SLC6A16: variants seen among roughly 807,000 people sequenced by gnomAD.
SLC6A16 encodes solute carrier family 6 member 16.
Under a neutral mutation model 65.4 loss-of-function variants are expected in SLC6A16, and 54 were observed. The ratio of observed to expected loss-of-function variants is 0.83; its 90% confidence interval spans 0.66 to 1.04. SLC6A16 has a LOEUF of 1.04. Ranked by LOEUF, SLC6A16 falls within the 50% of genes least tolerant of loss-of-function variation. The probability of loss-of-function intolerance (pLI) is 0.00; values close to 1 mark genes in which losing one functional copy is unlikely to be tolerated. For missense variants in SLC6A16, 816 were observed against 914.0 expected (o/e 0.89, Z 1.38); for synonymous variants, 330 against 346.5 (o/e 0.95, Z 0.53).
chr19:49,313,554 C>A (rs141878605), intron 1 of SLC6A16, among the ~76,000 whole-genome samples: 2 of 143,700 alleles, frequency 1.4e-5, no homozygotes, highest in African/African-American at 2.6e-5. Context: ...CCAAGGCAGG[C>A]GGATCACTTG....
At chr19:49,336,831 G>A in the SLC6A16 span, 19 of 1,540,640 alleles carry the variant, frequency 1.2e-5, no homozygotes, top group Non-Finnish European at 1.4e-5. Context: ...TCCCCACTTG[G>A]GTGGCTGCCT....
the SLC6A16 span, chr19:49,339,813 C>T: frequency 3.0e-6 from 4 of 1,349,274 alleles, no homozygotes; most frequent in African/African-American, 1.5e-5. The surrounding 1 kb of genome is among the most constrained non-coding windows in gnomAD (Gnocchi z 4.5). Context: ...GTGGCTGGGG[C>T]ATGGCGGGTG....
chr19:49,298,877 GA>G (rs1351176257), intron 7 of SLC6A16, among the ~76,000 whole-genome samples: 1 of 152,122 alleles, frequency 6.6e-6, no homozygotes, highest in Non-Finnish European at 1.5e-5. Flanking sequence ...ATACTGCCAT[GA>G]AAAAGAACAA....
intron 10 of SLC6A16, 81 bp downstream of exon 10, chr19:49,293,142 G>A (rs1488417331): frequency 1.5e-6 from 2 of 1,354,652 alleles, no homozygotes; most frequent in Non-Finnish European, 2.1e-6. Context: ...CACTAGGTGG[G>A]TTGACAGTAG....
Position 49,293,903 on chromosome 19 carries a change from T to A in SLC6A16, c.1542A>T (p.Ile514=). ...MLLAMGLSSA[I]GIMQGIITPL... is the part of the protein sequence containing the mutation. ...GAGTAATGATGCCCTGCATAATCCC[T>A]ATTGCGCTGCTCAGCCCCATGGCCA... The change falls in exon 9 of 12, where the codon ATA becomes ATT. Residue 514 remains isoleucine, a synonymous_variant. Transcript: ENST00000335875. The A allele has an allele frequency of 6.2e-7, 1 of 1,613,976 alleles. No individual in the cohort carries two copies. Among genetic ancestry groups the A allele is most frequent in the Non-Finnish European group, 8.5e-7 (1 of 1,180,010 alleles).
intron 7 of SLC6A16, among the ~76,000 whole-genome samples, chr19:49,304,347 G>A (rs1261565483): frequency 2.0e-5 from 3 of 152,240 alleles, no homozygotes; most frequent in African/African-American, 7.2e-5. Flanking sequence ...AAATATTCCT[G>A]CAGAAACATC....
At chr19:49,338,067 C>A in the SLC6A16 span, 1 of 1,605,504 alleles carries the variant, frequency 6.2e-7, no homozygotes, top group East Asian at 2.3e-5. The surrounding 1 kb of genome is among the most constrained non-coding windows in gnomAD (Gnocchi z 5.0). Context: ...CGGACTGACC[C>A]GCCTCAGCCC....
chr19:49,335,873 C>A, the SLC6A16 span: 1 of 1,094,144 alleles, frequency 9.1e-7, no homozygotes, highest in Non-Finnish European at 1.4e-6. The surrounding 1 kb of genome is among the most constrained non-coding windows in gnomAD (Gnocchi z 4.6). Flanking sequence ...ACCTACGGTG[C>A]CCTACTCTGC....
chr19:49,338,231 G>A, the SLC6A16 span: 6 of 1,421,562 alleles, frequency 4.2e-6, no homozygotes, highest in African/African-American at 4.3e-5. This position sits in a 1 kb window ranked among gnomAD's most constrained non-coding sequence, Gnocchi z 5.0. Flanking sequence ...AGACCCTGGC[G>A]TGGCTTCGCC....
the SLC6A16 span, chr19:49,337,243 C>T: frequency 1.2e-6 from 2 of 1,605,712 alleles, no homozygotes; most frequent in Admixed American, 1.7e-5. Flanking sequence ...GCAGTGGCCA[C>T]CACCCACCCC....
intron 7 of SLC6A16, among the ~76,000 whole-genome samples, 189 bp from the exon 8 acceptor site, chr19:49,294,742 G>T (rs1286370524): frequency 6.6e-6 from 1 of 152,104 alleles, no homozygotes; most frequent in African/African-American, 2.4e-5. Flanking sequence ...TAATCCTGGA[G>T]AATTTATGAC....
At chr19:49,298,719 G>C (rs1456335411) in intron 7 of SLC6A16, among the ~76,000 whole-genome samples, 1 of 152,070 alleles carries the variant, frequency 6.6e-6, no homozygotes, top group Non-Finnish European at 1.5e-5. Flanking sequence ...ATACCCAAAG[G>C]AAAATAAATC....
intron 1 of SLC6A16, among the ~76,000 whole-genome samples, chr19:49,323,317 G>A (rs1362841400): frequency 1.3e-5 from 2 of 152,034 alleles, no homozygotes; most frequent in African/African-American, 4.8e-5. Flanking sequence ...ATGAATTCTT[G>A]GATATGATAC....
rs143022215 is a variant in SLC6A16, at chr19:49,320,424, C to CA, written c.-65+4623dup. Reference sequence around the variant, plus strand: ...CTCCCTCTAAAAACAAACAAACAAACAAACAAAAAAAAACCAGATCTTGAA... The same window carrying CA: ...CTCCCTCTAAAAACAAACAAACAAACAAAACAAAAAAAAACCAGATCTTGAA... On this transcript the variant is annotated intron_variant, in intron 1 of 11. Transcript: ENST00000335875. Among the ~76,000 whole-genome samples, 1,187 of 138,546 alleles carry CA rather than the reference C, an allele frequency of 8.6e-3. 10 individuals are homozygous for CA. The highest frequency in any genetic ancestry group is 0.021 in the African/African-American group (779 of 36,918). The allele number at this position is 138,546 out of a possible 152,430, so 90.9% of individuals were successfully genotyped here.
the SLC6A16 span, chr19:49,339,505 G>A: frequency 5.2e-6 from 8 of 1,527,424 alleles, no homozygotes; most frequent in South Asian, 5.7e-5. This position sits in a 1 kb window ranked among gnomAD's most constrained non-coding sequence, Gnocchi z 4.5. Flanking sequence ...TGGGAAGGAC[G>A]AGCTCAGGGC....
intron 7 of SLC6A16, among the ~76,000 whole-genome samples, chr19:49,306,561 TGAGA>T (rs1261234946): frequency 1.3e-5 from 2 of 149,386 alleles, no homozygotes; most frequent in Non-Finnish European, 3.0e-5. Context: ...TTTTTTTTTT[TGAGA>T]GAGAGTCTCA....
intron 7 of SLC6A16, chr19:49,306,279 C>T (rs1402369652): frequency 2.0e-5 from 3 of 150,482 alleles, no homozygotes; most frequent in Non-Finnish European, 2.9e-5. Context: ...GCCTGGGCAA[C>T]AGAGCGAGAG....
Position 49,306,571 on chromosome 19 carries a change from T to G in SLC6A16, c.1229+2305A>C, listed in dbSNP as rs555192333. Among the ~76,000 whole-genome samples the G allele has an allele frequency of 5.5e-5, 8 of 144,928 alleles. No individual in the cohort carries two copies. The South Asian group carries it at 6.6e-4, about 12-fold the overall frequency. On this transcript the variant is annotated intron_variant, in intron 7 of 11. Transcript: ENST00000335875. ...TCTTTTTTTTTTTTTTGAGAGAGAG[T>G]CTCACTCTGTTGCCCAGGTGGAATG...
the SLC6A16 span, chr19:49,340,281 T>C: frequency 1.2e-6 from 2 of 1,613,934 alleles, no homozygotes; most frequent in Non-Finnish European, 1.7e-6. Context: ...GATATTCCTG[T>C]GCAGAAACCT....
Sources: allele counts gnomAD v4.1 joint callset (sites outside exome capture counted in the v4.1 genomes callset), GRCh38; gene constraint gnomAD v4.1.1; non-coding constraint Gnocchi (gnomAD v3.1); transcripts MANE v1.5; gene names NCBI Gene and HGNC (gene_info 2026-07-23, HGNC 2026-07-21).